The following AGAP1 variants were observed in gnomAD, a reference collection of about 807,000 sequenced individuals.
AGAP1 encodes ArfGAP with GTPase domain, ankyrin repeat and PH domain 1, also known as arf-GAP with GTPase, ANK repeat and PH domain-containing protein 1.
Under a neutral mutation model 105.3 loss-of-function variants are expected in AGAP1, and 29 were observed. The ratio of observed to expected loss-of-function variants is 0.28; its 90% CI spans 0.21 to 0.38. The LOEUF (loss-of-function observed/expected upper bound fraction) is 0.38, where lower values mean the gene tolerates loss of function less well. Ranked by LOEUF, AGAP1 falls within the 10% of genes least tolerant of loss-of-function variation. The pLI, the probability that AGAP1 is intolerant of heterozygous loss-of-function variation, is 1.00. For synonymous variants in AGAP1, 509 were observed against 485.9 expected (o/e 1.05, Z -0.63); for missense variants, 998 against 1,165.1 (o/e 0.86, Z 2.09).
chr2:235,563,494 A>G (rs1030616211), intron 1 of AGAP1, among the ~76,000 whole-genome samples: 1 of 149,542 alleles, frequency 6.7e-6, no homozygotes, highest in African/African-American at 2.5e-5. Context: ...TAATGTGTTA[A>G]TTGGATCCAG....
At chr2:235,531,972 G>C (rs910009570) in intron 1 of AGAP1, among the ~76,000 whole-genome samples, 1 of 152,106 alleles carries the variant, frequency 6.6e-6, no homozygotes, top group African/African-American at 2.4e-5. Flanking sequence ...GTCCGCATTA[G>C]ATCGGACACC....
At position 235,621,870 on chromosome 2, in the gene AGAP1, A is replaced by AG. The variant is rs1946491620; in HGVS notation, c.164-87305dup. Among the ~76,000 whole-genome samples the AG allele has an allele frequency of 6.6e-6, 1 of 151,452 alleles. No individual in the cohort carries two copies. The highest frequency in any genetic ancestry group is 6.6e-5 in the Admixed American group (1 of 15,144). ...CTCTGCAGTTGGGTAGGAGTGGAGGAGGGGTGCGATCGGAAGGGAGTGCCG... is the reference window on the plus strand; with the variant it reads ...CTCTGCAGTTGGGTAGGAGTGGAGGAGGGGGTGCGATCGGAAGGGAGTGCCG... On this transcript the variant is annotated intron_variant, in intron 1 of 17. Coordinates refer to ENST00000304032, the MANE Select transcript of AGAP1 (RefSeq NM_001037131.3). This position sits in a 1 kb window ranked among gnomAD's most constrained non-coding sequence, Gnocchi z 4.1.
chr2:236,070,661 C>A (rs2058472033), intron 16 of AGAP1, among the ~76,000 whole-genome samples: 1 of 152,174 alleles, frequency 6.6e-6, no homozygotes, highest in Non-Finnish European at 1.5e-5. Context: ...AATGCACCTT[C>A]AACATTATGA....
chr2:235,987,506 ATT>A (rs3030714), intron 13 of AGAP1, among the ~76,000 whole-genome samples: 7,204 of 120,084 alleles, frequency 0.06, 315 homozygotes, highest in African/African-American at 0.15. Context: ...GGATTCATTG[ATT>A]TTTTTTTTTT....
chr2:235,999,308 ATGGTGGTGG>A (rs1164925574), intron 13 of AGAP1, among the ~76,000 whole-genome samples: 1 of 30,314 alleles, frequency 3.3e-5, no homozygotes, highest in African/African-American at 1.5e-4. Context: ...GGTGATGGTG[ATGGTGGTGG>A]TGGTGGTGGT....
At position 236,097,905 on chromosome 2, in the gene AGAP1, A is replaced by G. The variant is rs138622113; in HGVS notation, c.2115-22287A>G. On this transcript the variant is annotated intron_variant, in intron 16 of 17. Transcript: ENST00000304032. ...ACTCCCGGCACCTCATGTGAGTGGA[A>G]TCTTATAGTATGTGTCTTTTGTGCC... Among the ~76,000 whole-genome samples the G allele has an allele frequency of 2.8e-3, 423 of 152,296 alleles. 2 individuals are homozygous for G. Among genetic ancestry groups the G allele is most frequent in the Admixed American group, 5.3e-3 (81 of 15,296 alleles).
chr2:235,897,378 G>A (rs1310712426), intron 10 of AGAP1, among the ~76,000 whole-genome samples: 1 of 152,110 alleles, frequency 6.6e-6, no homozygotes, highest in Non-Finnish European at 1.5e-5. Context: ...ACTAAATAGT[G>A]TAGATCCTAC....
Position 235,936,066 on chromosome 2 carries a change from T to TCGCTCCCCCA in AGAP1, c.1483+5143_1483+5144insCGCTCCCCCA, listed in dbSNP as rs1305644365. ...CATGGCAGCCTCGCTCCCCCAGCCC[T>TCGCTCCCCCA]GGACTGTCAGGTTCTTCTGATAGCT... On this transcript the variant is annotated intron_variant, in intron 12 of 17. Coordinates refer to ENST00000304032, the MANE Select transcript of AGAP1 (RefSeq NM_001037131.3). The surrounding 1 kb of genome is among the most constrained non-coding windows in gnomAD (Gnocchi z 4.7). 3.3e-5 allele frequency among the ~76,000 whole-genome samples: 5 copies of TCGCTCCCCCA among 152,200 alleles called. No individual in the cohort carries two copies. Among genetic ancestry groups the TCGCTCCCCCA allele is most frequent in the Admixed American group, 3.3e-4 (5 of 15,286 alleles).
At chr2:235,562,426 C>G (rs1409244795) in intron 1 of AGAP1, among the ~76,000 whole-genome samples, 1 of 152,104 alleles carries the variant, frequency 6.6e-6, no homozygotes, top group Non-Finnish European at 1.5e-5. Flanking sequence ...GCAGAGCGCC[C>G]TGTTCCTGAA....
At chr2:235,813,665 C>T (rs926641732) in intron 9 of AGAP1, among the ~76,000 whole-genome samples, 21 of 152,198 alleles carry the variant, frequency 1.4e-4, no homozygotes, top group African/African-American at 3.4e-4. Context: ...CCCCAGTGGG[C>T]GTGTGTTACA....
At chr2:235,568,204 T>C (rs1944408542) in intron 1 of AGAP1, among the ~76,000 whole-genome samples, 1 of 152,140 alleles carries the variant, frequency 6.6e-6, no homozygotes, top group African/African-American at 2.4e-5. Flanking sequence ...GAGGCCCACA[T>C]GGAGGTCATT....
At chr2:236,007,281 T>G (rs2056352589) in intron 13 of AGAP1, among the ~76,000 whole-genome samples, 4 of 152,222 alleles carry the variant, frequency 2.6e-5, no homozygotes, top group Non-Finnish European at 1.5e-5. Flanking sequence ...AAGCTAAAAT[T>G]ATCTCTAGTA....
chr2:235,835,932 G>A (rs1265633602), intron 9 of AGAP1, among the ~76,000 whole-genome samples: 1 of 152,144 alleles, frequency 6.6e-6, no homozygotes, highest in Non-Finnish European at 1.5e-5. Flanking sequence ...GCCATATTTT[G>A]TATGGTTGCC....
rs1162894340 is a variant in AGAP1, at chr2:235,855,251, C to CTGTGA, written c.1051-28092_1051-28088dup. On this transcript the variant is annotated intron_variant, in intron 9 of 17. Transcript: ENST00000304032. The surrounding 1 kb of genome is among the most constrained non-coding windows in gnomAD (Gnocchi z 5.0). ...CGGAAATGGAAGCGTGAGGTCATCCCTGTGATCAGTAACAAAAGTCTACCT... is the reference window on the plus strand; with the variant it reads ...CGGAAATGGAAGCGTGAGGTCATCCCTGTGATGTGATCAGTAACAAAAGTCTACCT... Among the ~76,000 whole-genome samples, 2 of 152,190 alleles carry CTGTGA rather than the reference C, an allele frequency of 1.3e-5. No individual in the cohort carries two copies. Among genetic ancestry groups the CTGTGA allele is most frequent in the East Asian group, 3.8e-4 (2 of 5,198 alleles).
rs1316671301 is a variant in AGAP1 at position 235,611,199 on chromosome 2, T to G, written c.164-97980T>G. Among the ~76,000 whole-genome samples, 2 of 151,920 alleles carry G rather than the reference T, an allele frequency of 1.3e-5. No homozygotes were observed. Among genetic ancestry groups the G allele is most frequent in the Non-Finnish European group, 2.9e-5 (2 of 67,952 alleles). ...CCTGCCTAGTGTAGGGACTGCCACT[T>G]CATGCTGTCTTGCCAGAGCACCTTC... On this transcript the variant is annotated intron_variant, in intron 1 of 17. Coordinates refer to ENST00000304032, the MANE Select transcript of AGAP1 (RefSeq NM_001037131.3). This position sits in a 1 kb window ranked among gnomAD's most constrained non-coding sequence, Gnocchi z 5.0.
intron 1 of AGAP1, among the ~76,000 whole-genome samples, chr2:235,495,287 C>T (rs554942466): frequency 1.3e-5 from 2 of 152,214 alleles, no homozygotes; most frequent in South Asian, 4.1e-4. Flanking sequence ...GAGGCCCGGG[C>T]CGGCGTGTTT....
rs2055618145 is a variant in AGAP1, at chr2:235,992,628, T to A, written c.1645+24005T>A. 6.6e-6 allele frequency among the ~76,000 whole-genome samples: 1 copy of A among 152,244 alleles called. No individual in the cohort carries two copies. Among genetic ancestry groups the A allele is most frequent in the South Asian group, 2.1e-4 (1 of 4,830 alleles). On this transcript the variant is annotated intron_variant, in intron 13 of 17. Transcript: ENST00000304032. This position sits in a 1 kb window ranked among gnomAD's most constrained non-coding sequence, Gnocchi z 4.8. ...CACTTGTTATATTATGCTTTTTAAA[T>A]GTTGAAGGCAATACTCATCAGAGTA...
At chr2:236,099,268 G>C (rs889266745) in intron 16 of AGAP1, among the ~76,000 whole-genome samples, 4 of 151,998 alleles carry the variant, frequency 2.6e-5, no homozygotes, top group East Asian at 2.0e-4. Flanking sequence ...CTGACTAACA[G>C]GGTGAAACCC....
At position 235,951,292 on chromosome 2, in the gene AGAP1, C is replaced by T. The variant is rs1211346917; in HGVS notation, c.1484-17170C>T. Among the ~76,000 whole-genome samples, 1 of 152,186 alleles carries T rather than the reference C, an allele frequency of 6.6e-6. No individual in the cohort carries two copies. The highest frequency in any genetic ancestry group is 1.5e-5 in the Non-Finnish European group (1 of 68,040). Reference sequence around the variant, plus strand: ...GGAGATAGTTATCCCAAGTAGAATACTCGATCGATGTCCACAGCACATTCA... The same window carrying T: ...GGAGATAGTTATCCCAAGTAGAATATTCGATCGATGTCCACAGCACATTCA... On this transcript the variant is annotated intron_variant, in intron 12 of 17. Coordinates refer to ENST00000304032, the MANE Select transcript of AGAP1 (RefSeq NM_001037131.3). The surrounding 1 kb of genome is among the most constrained non-coding windows in gnomAD (Gnocchi z 4.2).
Sources: gnomAD v4.1 joint callset for allele counts (sites outside exome capture counted in the v4.1 genomes callset) on GRCh38, gnomAD v4.1.1 for gene constraint, Gnocchi (gnomAD v3.1) non-coding constraint, MANE v1.5 for transcripts, NCBI Gene and HGNC (gene_info 2026-07-23, HGNC 2026-07-21) for gene names.